Variants in TNFSF13B observed in about 807,000 individuals in gnomAD.
The protein encoded by TNFSF13B is TNF superfamily member 13b, also known as tumor necrosis factor ligand superfamily member 13B.
A neutral mutation model predicts 29.1 loss-of-function variants in TNFSF13B; 8 were observed. The observed-to-expected ratio is 0.27, with a 90% CI of 0.16 to 0.50. The LOEUF (loss-of-function observed/expected upper bound fraction) is 0.50. Among genes scored for constraint, TNFSF13B ranks in the 20% least tolerant of loss-of-function variants. TNFSF13B has a pLI of 0.98. For missense variants in TNFSF13B, 248 were observed against 334.9 expected, an observed-to-expected ratio of 0.74 and a Z score of 2.03; for synonymous variants, 125 against 130.8, an observed-to-expected ratio of 0.96 and a Z score of 0.30.
chr13:108,299,879 T>C (rs575137413), intron 3 of TNFSF13B, among the ~76,000 whole-genome samples: 40 of 152,258 alleles, frequency 2.6e-4, no homozygotes, highest in Non-Finnish European at 5.6e-4. Flanking sequence ...GATGATAAAA[T>C]GCCTAAATAA....
intron 2 of TNFSF13B, among the ~76,000 whole-genome samples, chr13:108,271,175 T>C (rs964034497): frequency 1.3e-5 from 2 of 152,174 alleles, no homozygotes; most frequent in Non-Finnish European, 2.9e-5. Context: ...AAAAAAAGAA[T>C]CTTTGTATAC....
chr13:108,284,863 A>G (rs138984485), intron 2 of TNFSF13B, among the ~76,000 whole-genome samples: 1 of 152,328 alleles, frequency 6.6e-6, no homozygotes, highest in Non-Finnish European at 1.5e-5. Flanking sequence ...GAATGTGGCT[A>G]CTACTGTACT....
chr13:108,299,175 A>G (rs1423178142), intron 3 of TNFSF13B, among the ~76,000 whole-genome samples: 1 of 145,824 alleles, frequency 6.9e-6, no homozygotes, highest in East Asian at 1.9e-4. Flanking sequence ...TCTCAATGCC[A>G]TTATGTTTTT....
At chr13:108,292,381 C>T (rs1881343919) in intron 3 of TNFSF13B, among the ~76,000 whole-genome samples, 1 of 151,912 alleles carries the variant, frequency 6.6e-6, no homozygotes, top group Non-Finnish European at 1.5e-5. Flanking sequence ...GGTTTGTTTC[C>T]ACCTTTTGGC....
chr13:108,282,067 CCTT>C (rs1199429718), intron 2 of TNFSF13B, among the ~76,000 whole-genome samples: 1 of 152,138 alleles, frequency 6.6e-6, no homozygotes, highest in African/African-American at 2.4e-5. Context: ...CCAAGATCCT[CCTT>C]CTTTAAAAAC....
In TNFSF13B at chr13:108,275,755, A is replaced by T. The variant is rs548395125; in HGVS notation, c.424+5331A>T. On this transcript the variant is annotated intron_variant, in intron 2 of 5. Coordinates refer to ENST00000375887, the MANE Select transcript of TNFSF13B (RefSeq NM_006573.5). ...TTCCCTAATACTAACATCTTATATG[A>T]ACATGGTATTTCATTACAAAAAGGA... 1.1e-4 allele frequency among the ~76,000 whole-genome samples: 16 copies of T among 152,266 alleles called. No homozygotes were observed. The South Asian group carries it at 2.9e-3, about 28-fold the overall frequency.
Position 108,271,880 on chromosome 13 carries a change from T to C in TNFSF13B, c.424+1456T>C, listed in dbSNP as rs564732579. On this transcript the variant is annotated intron_variant, in intron 2 of 5. Coordinates refer to ENST00000375887, the MANE Select transcript of TNFSF13B (RefSeq NM_006573.5). ...CCATTCTCTTTGCTATAATACAACA[T>C]GCAAAAGTTTTGCACAGAACTCTTT... is the stretch of plus-strand genomic sequence containing the variant. 3.9e-5 allele frequency among the ~76,000 whole-genome samples: 6 copies of C among 152,282 alleles called. No homozygotes were observed. The East Asian group carries it at 9.6e-4, about 24-fold the overall frequency.
At chr13:108,284,734 A>G (rs187401509) in intron 2 of TNFSF13B, among the ~76,000 whole-genome samples, 3 of 152,334 alleles carry the variant, frequency 2.0e-5, no homozygotes, top group African/African-American at 7.2e-5. Flanking sequence ...AGGAAAGATG[A>G]GAGCTTTGTA....
intron 2 of TNFSF13B, among the ~76,000 whole-genome samples, chr13:108,278,383 CTG>C (rs1290515295): frequency 2.6e-5 from 4 of 151,906 alleles, no homozygotes; most frequent in African/African-American, 9.7e-5. Flanking sequence ...GACAGAATAA[CTG>C]AGGTTATGAG....
rs1318506729 is a variant in TNFSF13B at position 108,294,762 on chromosome 13, G to GT, written c.481+7909dup. Reference sequence around the variant, plus strand: ...AGGAATGGTTCCCTTCTCTTTTACTGTTTTTTGGAAGAGTTTGAGAAGATT... The same window carrying GT: ...AGGAATGGTTCCCTTCTCTTTTACTGTTTTTTTGGAAGAGTTTGAGAAGATT... On this transcript the variant is annotated intron_variant, in intron 3 of 5. Transcript: ENST00000375887. Among the ~76,000 whole-genome samples, 3 of 117,226 alleles carry GT rather than the reference G, an allele frequency of 2.6e-5. 1 individual carries two copies. The highest frequency in any genetic ancestry group is 6.7e-5 in the African/African-American group (2 of 29,716). The allele number at this position is 117,226 out of a possible 152,430, so 76.9% of individuals were successfully genotyped here. A position where few individuals can be genotyped will look rare whatever the true frequency, so the allele number is the denominator to read the frequency against.
At chr13:108,302,918 C>A in intron 3 of TNFSF13B, 1 of 905,548 alleles carries the variant, frequency 1.1e-6, no homozygotes, top group Non-Finnish European at 1.3e-6. Flanking sequence ...GAAATTTTGT[C>A]CACTCTTTGC....
intron 3 of TNFSF13B, among the ~76,000 whole-genome samples, chr13:108,291,329 CATG>C (rs926571800): frequency 4.0e-5 from 6 of 151,774 alleles, no homozygotes; most frequent in Admixed American, 6.6e-5. Flanking sequence ...AAAATACCCT[CATG>C]ATAACAGATG....
chr13:108,306,917 T>C lies in TNFSF13B; in HGVS notation c.837T>C (p.Phe279=). Residue 279 remains phenylalanine (F), a synonymous_variant, in exon 6 of 6, where the codon TTT becomes TTC. Coordinates refer to ENST00000375887, the MANE Select transcript of TNFSF13B (RefSeq NM_006573.5). ...QISLDGDVTF[F]GALKLL ...CACTGGATGGAGATGTCACATTTTT[T>C]GGTGCATTGAAACTGCTGTGACCTA... 2 of 1,609,718 alleles carry C rather than the reference T, an allele frequency of 1.2e-6. No individual in the cohort carries two copies. Among genetic ancestry groups the C allele is most frequent in the Non-Finnish European group, 1.7e-6 (2 of 1,177,804 alleles).
At chr13:108,304,642 C>T (rs1224150) in intron 5 of TNFSF13B, among the ~76,000 whole-genome samples, 117,020 of 152,130 alleles carry the variant, frequency 0.77, 45,296 homozygotes, top group East Asian at 0.92. Flanking sequence ...TGAGGAATGG[C>T]TTCAGTTCCA....
At chr13:108,285,194 T>G (rs1188776157) in intron 2 of TNFSF13B, among the ~76,000 whole-genome samples, 1 of 69,484 alleles carries the variant, frequency 1.4e-5, no homozygotes, top group Non-Finnish European at 2.8e-5. Flanking sequence ...TAACAATATA[T>G]TTTCATCTTT....
chr13:108,302,502 T>G (rs1881654151), intron 3 of TNFSF13B, among the ~76,000 whole-genome samples: 1 of 148,590 alleles, frequency 6.7e-6, no homozygotes. Context: ...TTTTGATGTC[T>G]GAACGCACCT....
chr13:108,306,595 A>G (rs536068327), intron 5 of TNFSF13B, among the ~76,000 whole-genome samples: 1 of 152,082 alleles, frequency 6.6e-6, no homozygotes, highest in East Asian at 1.9e-4. Flanking sequence ...CCATTTTTTA[A>G]TGAGTAGGTG....
chr13:108,279,365 A>G (rs1880866044), intron 2 of TNFSF13B, among the ~76,000 whole-genome samples: 1 of 152,168 alleles, frequency 6.6e-6, no homozygotes, highest in African/African-American at 2.4e-5. Context: ...GGGATCAAAT[A>G]TTTTGCTAGA....
rs36206201 is a variant in TNFSF13B, at chr13:108,269,819, C to T, written c.-77C>T. ...GTAGTGCACGCAGGACATCAACAAA[C>T]ACAGATAACAGGAAATGATCCATTC... On this transcript the variant is annotated 5_prime_UTR_variant, in exon 1 of 6. Coordinates refer to ENST00000375887, the MANE Select transcript of TNFSF13B (RefSeq NM_006573.5). 1 of 1,359,492 alleles carries T rather than the reference C, an allele frequency of 7.4e-7. No individual in the cohort carries two copies. The highest frequency in any genetic ancestry group is 1.0e-6 in the Non-Finnish European group (1 of 994,146). 84.2% of individuals were successfully genotyped at this position (1,359,492 alleles called of 1,614,324 possible).
Sources: allele counts gnomAD v4.1 joint callset (sites outside exome capture counted in the v4.1 genomes callset), GRCh38; gene constraint gnomAD v4.1.1; transcripts MANE v1.5; gene names NCBI Gene and HGNC (gene_info 2026-07-23, HGNC 2026-07-21).